The following RHOBTB3 variants were observed in gnomAD, a reference collection of about 807,000 sequenced individuals.
RHOBTB3 encodes the protein rho-related BTB domain-containing protein 3.
Under a neutral mutation model 67.2 loss-of-function variants are expected in RHOBTB3, and 47 were observed. The ratio of observed to expected loss-of-function variants is 0.70; its 90% CI spans 0.55 to 0.89. The LOEUF is 0.89. Among genes scored for constraint, RHOBTB3 ranks in the 40% least tolerant of loss-of-function variants. The pLI, the probability that RHOBTB3 is intolerant of heterozygous loss-of-function variation, is 0.00. For synonymous variants in RHOBTB3, 273 were observed against 274.2 expected (o/e 1.00, Z 0.04); for missense variants, 631 against 750.0 (o/e 0.84, Z 1.85).
Position 95,752,308 on chromosome 5 carries a change from A to G in RHOBTB3, c.640A>G (p.Asn214Asp), listed in dbSNP as rs746227477. 10 of 1,608,494 alleles carry G rather than the reference A, an allele frequency of 6.2e-6. No individual in the cohort carries two copies. The highest frequency in any genetic ancestry group is 8.5e-6 in the Non-Finnish European group (10 of 1,178,056). The stretch of plus-strand genomic sequence containing the variant: ...AAAAATGAAGAAAAGAAAAATGAGC[A>G]ACTCCTTTCATGGAATTAGACCACC... ...SEKMKKRKMS[N>D]SFHGIRPPQL... is the part of the protein sequence containing the mutation. The change falls in exon 5 of 12, where the codon AAC becomes GAC. Residue 214 changes from asparagine (N) to aspartate (D), a missense_variant. Physicochemically the swap from Asn to Asp is conservative, Grantham distance 23. Transcript: ENST00000379982.
chr5:95,757,474 T>C (rs1745280945), intron 6 of RHOBTB3, among the ~76,000 whole-genome samples: 1 of 152,214 alleles, frequency 6.6e-6, no homozygotes, highest in South Asian at 2.1e-4. Context: ...AAAGCCTAAT[T>C]GGGAACAGAC....
intron 3 of RHOBTB3, among the ~76,000 whole-genome samples, chr5:95,740,444 A>G (rs1433486405): frequency 6.6e-6 from 1 of 152,184 alleles, no homozygotes; most frequent in Non-Finnish European, 1.5e-5. Context: ...AACATCCCCC[A>G]AATGCCCACA....
chr5:95,738,700 A>AG (rs1337455221), intron 3 of RHOBTB3, among the ~76,000 whole-genome samples: 1 of 152,138 alleles, frequency 6.6e-6, no homozygotes, highest in Non-Finnish European at 1.5e-5. Context: ...CAGAACTGTG[A>AG]GAAATAAATT....
intron 3 of RHOBTB3, among the ~76,000 whole-genome samples, chr5:95,746,314 C>A (rs1055740945): frequency 6.6e-6 from 1 of 152,022 alleles, no homozygotes; most frequent in African/African-American, 2.4e-5. Context: ...TGCTTGATTT[C>A]TGTCCAGAAA....
intron 10 of RHOBTB3, among the ~76,000 whole-genome samples, chr5:95,785,462 C>T (rs79934127): frequency 2.0e-5 from 3 of 151,658 alleles, no homozygotes; most frequent in Admixed American, 1.3e-4. Flanking sequence ...GGTATAGTGG[C>T]GGGTGCCTGT....
intron 1 of RHOBTB3, among the ~76,000 whole-genome samples, chr5:95,723,111 C>G (rs751274600): frequency 3.3e-5 from 5 of 151,880 alleles, no homozygotes; most frequent in Non-Finnish European, 7.4e-5. Context: ...CTTCCCTGGG[C>G]CACACTGGAA....
intron 6 of RHOBTB3, 69 bp downstream of exon 6, chr5:95,755,830 C>T (rs768756099): frequency 2.0e-6 from 3 of 1,503,482 alleles, no homozygotes; most frequent in Non-Finnish European, 2.7e-6. Flanking sequence ...GCCTGTGACA[C>T]TCAAGGGTAC....
chr5:95,723,231 A>G (rs1047608697), intron 1 of RHOBTB3, among the ~76,000 whole-genome samples: 1 of 152,208 alleles, frequency 6.6e-6, no homozygotes, highest in Non-Finnish European at 1.5e-5. Context: ...ATGTTTTAAG[A>G]AAGTTCAAAA....
intron 10 of RHOBTB3, among the ~76,000 whole-genome samples, 164 bp from the exon 11 acceptor site, chr5:95,788,598 C>G (rs1746287774): frequency 6.6e-6 from 1 of 152,170 alleles, no homozygotes; most frequent in Admixed American, 6.5e-5. Context: ...TAATAGTGCT[C>G]CCTCATCCTG....
At position 95,792,906 on chromosome 5, in the gene RHOBTB3, A is replaced by T. The variant is rs1002230421; in HGVS notation, c.1721-153A>T. On this transcript the variant is annotated intron_variant, in intron 11 of 11. Coordinates refer to ENST00000379982, the MANE Select transcript of RHOBTB3 (RefSeq NM_014899.4). ...AAATCCTGATACTAATTTAACCAAA[A>T]TGGTAGTAAATTATTTGGGAAAACT... 22 of 549,090 alleles carry T rather than the reference A, an allele frequency of 4.0e-5. 1 individual carries two copies. The South Asian group carries it at 5.8e-4, about 14-fold the overall frequency. The allele number at this position is 549,090 out of a possible 1,614,324, so 34.0% of individuals were successfully genotyped here. A position where few individuals can be genotyped will look rare whatever the true frequency, so the allele number is the denominator to read the frequency against.
intron 8 of RHOBTB3, chr5:95,769,937 A>G: frequency 2.4e-6 from 1 of 410,904 alleles, no homozygotes; most frequent in Non-Finnish European, 4.8e-6. Flanking sequence ...TAGCAGTAAA[A>G]GCTCCAGGTT....
chr5:95,767,578 C>T lies in RHOBTB3; in HGVS notation c.1162-468C>T, dbSNP rs148464888. 8.3e-4 allele frequency among the ~76,000 whole-genome samples: 127 copies of T among 152,248 alleles called. 1 individual carries two copies. In the East Asian group the frequency reaches 0.013, roughly 16 times the overall value. On this transcript the variant is annotated intron_variant, in intron 7 of 11. Coordinates refer to ENST00000379982, the MANE Select transcript of RHOBTB3 (RefSeq NM_014899.4). Reference sequence around the variant, plus strand: ...GTCTCAAACTCCAGACCTCAAGTGCCCACCTTGGCCTCCAAAGTGCGGGAT... The same window carrying T: ...GTCTCAAACTCCAGACCTCAAGTGCTCACCTTGGCCTCCAAAGTGCGGGAT...
At chr5:95,789,233 T>C (rs1328880870) in intron 11 of RHOBTB3, 1 of 170,692 alleles carries the variant, frequency 5.9e-6, no homozygotes, top group Non-Finnish European at 1.2e-5. Context: ...GATTTAAAAA[T>C]TTTTTATAAA....
chr5:95,733,109 A>G (rs1051224111), intron 2 of RHOBTB3, among the ~76,000 whole-genome samples: 1 of 152,244 alleles, frequency 6.6e-6, no homozygotes, highest in Non-Finnish European at 1.5e-5. Context: ...TTCTTATGCA[A>G]AGTTCCACAT....
intron 3 of RHOBTB3, among the ~76,000 whole-genome samples, chr5:95,747,106 T>C (rs546333411): frequency 1.3e-5 from 2 of 152,300 alleles, no homozygotes; most frequent in East Asian, 3.9e-4. Flanking sequence ...CATGCATTAC[T>C]CTGTGCTGAT....
chr5:95,770,298 T>A (rs1376909902), intron 8 of RHOBTB3: 1 of 284,310 alleles, frequency 3.5e-6, no homozygotes, highest in Non-Finnish European at 7.3e-6. Flanking sequence ...TAAGAGCTGC[T>A]ACTGAAGAAG....
At chr5:95,723,128 G>C (rs1754941784) in intron 1 of RHOBTB3, among the ~76,000 whole-genome samples, 1 of 151,674 alleles carries the variant, frequency 6.6e-6, no homozygotes, top group Non-Finnish European at 1.5e-5. Flanking sequence ...GGAAGAAAAA[G>C]AATTGTCTTG....
At chr5:95,788,972 A>C in intron 11 of RHOBTB3, 114 bp downstream of exon 11, 1 of 639,560 alleles carries the variant, frequency 1.6e-6, no homozygotes, top group Non-Finnish European at 2.6e-6. Context: ...CAATGTAATA[A>C]ATTTCTTGTA....
chr5:95,794,088 G>A lies in RHOBTB3; in HGVS notation c.*914G>A, dbSNP rs545174511. On this transcript the variant is annotated 3_prime_UTR_variant, in exon 12 of 12. Coordinates refer to ENST00000379982, the MANE Select transcript of RHOBTB3 (RefSeq NM_014899.4). ...GGAAGAGAACATAGTGAAGATTCCC[G>A]CCTTTGGGGAGGTCTGGACCACCCA... 267 of 455,366 alleles carry A rather than the reference G, an allele frequency of 5.9e-4. No homozygotes were observed. The highest frequency in any genetic ancestry group is 1.0e-3 in the Admixed American group (44 of 42,418). The allele number at this position is 455,366 out of a possible 1,614,324, so 28.2% of individuals were successfully genotyped here.
Sources: allele counts gnomAD v4.1 joint callset (sites outside exome capture counted in the v4.1 genomes callset), GRCh38; gene constraint gnomAD v4.1.1; transcripts MANE v1.5; gene names NCBI Gene and HGNC (gene_info 2026-07-23, HGNC 2026-07-21).